The following PEX11G variants were observed in gnomAD, a reference collection of about 807,000 sequenced individuals.
The protein encoded by PEX11G is peroxisomal biogenesis factor 11 gamma.
Under a neutral mutation model 22.5 loss-of-function variants are expected in PEX11G, and 20 were observed. The ratio of observed to expected loss-of-function variants is 0.89; its 90% CI spans 0.62 to 1.29. The LOEUF (loss-of-function observed/expected upper bound fraction) is 1.29, where lower values mean the gene tolerates loss of function less well. PEX11G is among the 50% of genes most tolerant of loss of function. The probability of loss-of-function intolerance (pLI) is 0.00; values close to 1 mark genes in which losing one functional copy is unlikely to be tolerated. For synonymous variants in PEX11G, 141 were observed against 154.5 expected (o/e 0.91, Z 0.65); for missense variants, 347 against 331.3 (o/e 1.05, Z -0.37).
At chr19:7,490,649 T>A (rs2021868447), upstream of PEX11G, among the ~76,000 whole-genome samples, 7 of 122,790 alleles carry the variant, frequency 5.7e-5, no homozygotes, top group African/African-American at 2.6e-4. Flanking sequence ...TCTATTTTTT[T>A]TTTTTTTTTT....
intron 2 of PEX11G, among the ~76,000 whole-genome samples, chr19:7,484,431 T>C (rs1364392561): frequency 6.6e-6 from 1 of 151,934 alleles, no homozygotes; most frequent in Non-Finnish European, 1.5e-5. Context: ...GTAAACCATA[T>C]GTATTTGCCT....
intron 2 of PEX11G, among the ~76,000 whole-genome samples, chr19:7,485,099 G>C (rs2021576280): frequency 6.6e-6 from 1 of 152,194 alleles, no homozygotes; most frequent in African/African-American, 2.4e-5. Context: ...CAAGGCTGCA[G>C]TGAGCTATGG....
intron 1 of PEX11G, among the ~76,000 whole-genome samples, chr19:7,494,364 C>G (rs2021940828): frequency 6.6e-6 from 1 of 152,124 alleles, no homozygotes. Flanking sequence ...TGCACTCCAG[C>G]CTGGGCGTCA....
intron 3 of PEX11G, among the ~76,000 whole-genome samples, chr19:7,479,525 T>C (rs1338298830): frequency 6.6e-6 from 1 of 152,110 alleles, no homozygotes; most frequent in Non-Finnish European, 1.5e-5. Context: ...CCCAGGCATC[T>C]CCATTTAGCA....
rs1977513736 is a variant in PEX11G, at chr19:7,482,074, A to C, written c.387T>G (p.Ser129Arg). Residue 129 changes from serine (S) to arginine (R), a missense_variant, in exon 3 of 5, where the codon AGT becomes AGG. Ser to Arg is a moderately radical substitution (Grantham distance 110). Transcript: ENST00000221480. ...GCAGAGAGAGGGCCCACAGGGTTGT[A>C]CTCAGCGTCCACCACCGAGAAGAGT... ...HVDSSRWWTL[S>R]TTLWALSLLL... 1.2e-6 allele frequency: 2 copies of C among 1,606,128 alleles called. No individual in the cohort carries two copies. Among genetic ancestry groups the C allele is most frequent in the African/African-American group, 2.7e-5 (2 of 74,604 alleles).
rs371818206 is a variant in PEX11G, at chr19:7,482,211, C to T, written c.250G>A (p.Glu84Lys). Reference sequence around the variant, plus strand: ...ACACAGCGGACAAAGGCGTCCTCCTCCTGCAGGACCAGGAGCAGAGGGGGC... The same window carrying T: ...ACACAGCGGACAAAGGCGTCCTCCTTCTGCAGGACCAGGAGCAGAGGGGGC... ...YTKQYGLGAQ[E>K]EDAFVRCVSV... The change falls in exon 3 of 5, where the codon GAG becomes AAG. Residue 84 changes from glutamate (E) to lysine (K), a missense_variant and splice_region_variant. Physicochemically the swap from Glu to Lys is moderately conservative, Grantham distance 56. Coordinates refer to ENST00000221480, the MANE Select transcript of PEX11G (RefSeq NM_080662.4). The T allele has an allele frequency of 1.8e-5, 28 of 1,559,216 alleles. No individual in the cohort carries two copies. In the African/African-American group the frequency reaches 3.1e-4, roughly 17 times the overall value.
upstream of PEX11G, chr19:7,489,076 C>A (rs1014726728): frequency 2.8e-6 from 4 of 1,424,320 alleles, no homozygotes; most frequent in South Asian, 1.5e-5. Flanking sequence ...GGCCGGGGTA[C>A]CGGGAGCGCC....
At chr19:7,494,716 G>C (rs1401988056) in intron 1 of PEX11G, among the ~76,000 whole-genome samples, 3 of 152,180 alleles carry the variant, frequency 2.0e-5, no homozygotes. Context: ...GAGCTGGCCT[G>C]GCAGTCAAAG....
intron 3 of PEX11G, among the ~76,000 whole-genome samples, chr19:7,481,027 T>C (rs1302974986): frequency 6.6e-6 from 1 of 152,128 alleles, no homozygotes; most frequent in Non-Finnish European, 1.5e-5. Flanking sequence ...CCAGCAAGAC[T>C]CAGGGACCCG....
At chr19:7,489,476 T>C (rs1455428645), upstream of PEX11G, 2 of 989,604 alleles carry the variant, frequency 2.0e-6, no homozygotes, top group Non-Finnish European at 2.4e-6. Context: ...CTTTCGACGT[T>C]AAGGAAAGAC....
rs763962873 is a variant in PEX11G at position 7,488,971 on chromosome 19, A to ACGACTCCAG, written c.31_39dup (p.Leu11_Ser13dup). Reference sequence around the variant, plus strand: ...CTCACCAGGCGGTCCCGGCCCCTGTACGACTCCAGCGCCGACGCCAGGCCG... The same window carrying ACGACTCCAG: ...CTCACCAGGCGGTCCCGGCCCCTGTACGACTCCAGCGACTCCAGCGCCGACGCCAGGCCG... On this transcript the variant is annotated inframe_insertion, in exon 1 of 5. Transcript: ENST00000221480. 1.9e-6 allele frequency: 3 copies of ACGACTCCAG among 1,555,004 alleles called. No homozygotes were observed. In the African/African-American group the frequency reaches 4.1e-5, roughly 21 times the overall value.
intron 2 of PEX11G, among the ~76,000 whole-genome samples, chr19:7,482,804 A>G (rs1227545745): frequency 6.6e-6 from 1 of 152,104 alleles, no homozygotes; most frequent in East Asian, 1.9e-4. Context: ...GCCTCCCTCA[A>G]CTCCGAGCAA....
chr19:7,483,136 A>G (rs1568380998), intron 2 of PEX11G: 1 of 83,758 alleles, frequency 1.2e-5, no homozygotes, highest in Non-Finnish European at 2.3e-5. Context: ...CGCCCCCTCT[A>G]CCTTTATCCT....
Position 7,488,981 on chromosome 19 carries a change from C to T in PEX11G, c.30G>A (p.Ala10=), listed in dbSNP as rs370126434. 58 of 1,550,850 alleles carry T rather than the reference C, an allele frequency of 3.7e-5. 2 individuals carry two copies. In the African/African-American group the frequency reaches 5.8e-4, roughly 16 times the overall value. The change falls in exon 1 of 5, where the codon GCG becomes GCA. Residue 10 remains alanine (A), a synonymous_variant. Coordinates refer to ENST00000221480, the MANE Select transcript of PEX11G (RefSeq NM_080662.4). Reference sequence around the variant, plus strand: ...GGTCCCGGCCCCTGTACGACTCCAGCGCCGACGCCAGGCCGCTCAGCGACG... The same window carrying T: ...GGTCCCGGCCCCTGTACGACTCCAGTGCCGACGCCAGGCCGCTCAGCGACG... MASLSGLAS[A]LESYRGRDRL...
rs930116272 is a variant in PEX11G at position 7,481,454 on chromosome 19, G to A, written c.428+579C>T. On this transcript the variant is annotated intron_variant, in intron 3 of 4. Coordinates refer to ENST00000221480, the MANE Select transcript of PEX11G (RefSeq NM_080662.4). ...TGGGCTCAAGTGATCCACCCGCCTT[G>A]GCCTCCCAAAGTGCTGGGATTACAG... is the stretch of plus-strand genomic sequence containing the variant. Among the ~76,000 whole-genome samples, 11 of 152,270 alleles carry A rather than the reference G, an allele frequency of 7.2e-5. No individual in the cohort carries two copies. The East Asian group carries it at 2.1e-3, about 29-fold the overall frequency.
chr19:7,480,050 G>C (rs1977416631), intron 3 of PEX11G, among the ~76,000 whole-genome samples: 1 of 152,120 alleles, frequency 6.6e-6, no homozygotes. Flanking sequence ...GATCACCTGA[G>C]CCCAGGAGTT....
chr19:7,491,549 A>T (rs2021891022), upstream of PEX11G, among the ~76,000 whole-genome samples: 1 of 150,450 alleles, frequency 6.6e-6, no homozygotes, highest in Admixed American at 6.6e-5. Flanking sequence ...GATTACAGGC[A>T]TGAGCCACCA....
upstream of PEX11G, among the ~76,000 whole-genome samples, chr19:7,490,801 A>G (rs1224555201): frequency 6.6e-6 from 1 of 150,978 alleles, no homozygotes; most frequent in Non-Finnish European, 1.5e-5. Context: ...TAGCTTGACC[A>G]ACTACCCACA....
chr19:7,490,550 AG>A (rs2145984295), upstream of PEX11G, among the ~76,000 whole-genome samples: 1 of 136,550 alleles, frequency 7.3e-6, no homozygotes, highest in African/African-American at 2.8e-5. Context: ...CGTGTTAGCC[AG>A]GATGGTCTTG....
Sources: gnomAD v4.1 joint callset for allele counts (sites outside exome capture counted in the v4.1 genomes callset) on GRCh38, gnomAD v4.1.1 for gene constraint, MANE v1.5 for transcripts, NCBI Gene and HGNC (gene_info 2026-07-23, HGNC 2026-07-21) for gene names.